Variants in ZNF583 observed in about 807,000 individuals in gnomAD.
The protein encoded by ZNF583 is zinc finger protein L3-5.
In ZNF583, 30 loss-of-function variants were observed where a neutral mutation model predicts 55.3. The observed-to-expected ratio is 0.54, with a 90% CI of 0.41 to 0.74. The LOEUF (loss-of-function observed/expected upper bound fraction) is 0.74, where lower values mean the gene tolerates loss of function less well. Among genes scored for constraint, ZNF583 ranks in the 30% least tolerant of loss-of-function variants. The pLI is 0.00. For missense variants in ZNF583, 504 were observed against 664.7 expected (o/e 0.76, Z 2.66); for synonymous variants, 208 against 220.0 (o/e 0.95, Z 0.48).
intron 2 of ZNF583, among the ~76,000 whole-genome samples, chr19:56,409,883 G>A (rs2042211149): frequency 6.6e-6 from 1 of 151,520 alleles, no homozygotes; most frequent in South Asian, 2.1e-4. Context: ...TTTTGGTTAA[G>A]TCAGGTATTT....
chr19:56,414,247 C>A, intron 3 of ZNF583, 98 bp from the exon 4 acceptor site: 1 of 1,499,702 alleles, frequency 6.7e-7, no homozygotes, highest in Non-Finnish European at 9.3e-7. Flanking sequence ...ATTCTTATTC[C>A]TCAGCTCCCT....
At chr19:56,416,852 A>G (rs983202728) in intron 4 of ZNF583, among the ~76,000 whole-genome samples, 1 of 152,084 alleles carries the variant, frequency 6.6e-6, no homozygotes, top group Admixed American at 6.6e-5. Context: ...ATCAAGACAC[A>G]TTTAGTATTT....
intron 2 of ZNF583, among the ~76,000 whole-genome samples, chr19:56,413,143 A>G (rs1182097328): frequency 6.6e-6 from 1 of 152,236 alleles, no homozygotes; most frequent in Non-Finnish European, 1.5e-5. Context: ...ACAAATGTTT[A>G]AAATTCAACA....
chr19:56,420,849 C>T (rs2042403129), intron 4 of ZNF583, among the ~76,000 whole-genome samples: 2 of 151,978 alleles, frequency 1.3e-5, no homozygotes. Context: ...ATAAGTTCTG[C>T]CTTTTAACTG....
chr19:56,420,118 T>A lies in ZNF583; in HGVS notation c.233-2773T>A, dbSNP rs542069536. ...TACCATTTTAGCTGTATCCCACAGA[T>A]TTTGATATGTTGTACTGTCATTATC... is the stretch of plus-strand genomic sequence containing the variant. On this transcript the variant is annotated intron_variant, in intron 4 of 4. Transcript: ENST00000333201. Among the ~76,000 whole-genome samples, 3 of 152,198 alleles carry A rather than the reference T, an allele frequency of 2.0e-5. No individual in the cohort carries two copies. The South Asian group carries it at 6.2e-4, about 32-fold the overall frequency.
chr19:56,410,466 G>A (rs1171689027), intron 2 of ZNF583, among the ~76,000 whole-genome samples: 3 of 151,996 alleles, frequency 2.0e-5, no homozygotes, highest in South Asian at 2.1e-4. Flanking sequence ...TTGGGGGGCC[G>A]AGGTGGGTGG....
rs1160690385 is a variant in ZNF583, at chr19:56,423,081, A to G, written c.423A>G (p.Gln141=). Residue 141 remains glutamine, a synonymous_variant, in exon 5 of 5, where the codon CAA becomes CAG. Transcript: ENST00000333201. ...GAAGTCAAGAGGTACATCTTAGTCAATTAATCATCACTCATAAAGAAATCC... is the reference window on the plus strand; with the variant it reads ...GAAGTCAAGAGGTACATCTTAGTCAGTTAATCATCACTCATAAAGAAATCC... ...QLGSQEVHLS[Q]LIITHKEILP... 1.2e-6 allele frequency: 2 copies of G among 1,612,952 alleles called. No homozygotes were observed. The highest frequency in any genetic ancestry group is 2.2e-5 in the East Asian group (1 of 44,868).
At chr19:56,415,303 G>A (rs951479760) in intron 4 of ZNF583, among the ~76,000 whole-genome samples, 1 of 152,028 alleles carries the variant, frequency 6.6e-6, no homozygotes, top group Admixed American at 6.6e-5. Context: ...TTGATAGGAG[G>A]AAAGATGAAA....
rs2042468135 is a variant in ZNF583, at chr19:56,424,230, T to C, written c.1572T>C (p.Asp524=). 6.2e-7 allele frequency: 1 copy of C among 1,613,882 alleles called. No individual in the cohort carries two copies. The highest frequency in any genetic ancestry group is 1.3e-5 in the African/African-American group (1 of 74,918). Residue 524 remains aspartate (D), a synonymous_variant, in exon 5 of 5, where the codon GAT becomes GAC. Transcript: ENST00000333201. ...GAGAAAGACCCTATGAATGTAAAGA[T>C]TGCAGGAAATCTTTCAGGCAGCGTG... ...HTGERPYECK[D]CRKSFRQRAH... is the part of the protein sequence containing the mutation.
At chr19:56,417,443 CAT>C (rs1323455935) in intron 4 of ZNF583, among the ~76,000 whole-genome samples, 1 of 152,104 alleles carries the variant, frequency 6.6e-6, no homozygotes, top group Non-Finnish European at 1.5e-5. Context: ...AGCCTCTTTT[CAT>C]ATGTTTACTG....
intron 2 of ZNF583, among the ~76,000 whole-genome samples, chr19:56,408,834 A>T (rs1033531397): frequency 6.6e-6 from 1 of 152,192 alleles, no homozygotes; most frequent in Non-Finnish European, 1.5e-5. Flanking sequence ...ACCATGGCCT[A>T]TAAGGCCCTT....
intron 1 of ZNF583, among the ~76,000 whole-genome samples, chr19:56,405,337 C>T (rs924603181): frequency 6.6e-6 from 1 of 152,134 alleles, no homozygotes; most frequent in African/African-American, 2.4e-5. Context: ...CCTTATATGA[C>T]CCATTGTGAG....
intron 4 of ZNF583, among the ~76,000 whole-genome samples, chr19:56,417,773 C>T (rs2042351006): frequency 6.6e-6 from 1 of 152,092 alleles, no homozygotes; most frequent in Admixed American, 6.5e-5. Flanking sequence ...AAGGTTTTAG[C>T]ATTTATATTT....
intron 2 of ZNF583, among the ~76,000 whole-genome samples, chr19:56,407,360 T>G (rs2042171084): frequency 6.6e-6 from 1 of 152,214 alleles, no homozygotes; most frequent in African/African-American, 2.4e-5. Context: ...GGGTTTAGTG[T>G]CTGTTAGAAG....
At chr19:56,407,917 A>G (rs550719705) in intron 2 of ZNF583, among the ~76,000 whole-genome samples, 1 of 152,346 alleles carries the variant, frequency 6.6e-6, no homozygotes, top group East Asian at 1.9e-4. Flanking sequence ...AAACAAATCC[A>G]AGTATAAGAA....
chr19:56,417,597 A>G (rs1054913422), intron 4 of ZNF583, among the ~76,000 whole-genome samples: 1 of 152,202 alleles, frequency 6.6e-6, no homozygotes. Flanking sequence ...GCTTATATGT[A>G]TGCCAATTAT....
At chr19:56,417,181 A>G (rs1333783956) in intron 4 of ZNF583, among the ~76,000 whole-genome samples, 4 of 152,186 alleles carry the variant, frequency 2.6e-5, no homozygotes, top group Admixed American at 6.5e-5. Context: ...TTGTGTGAAC[A>G]TATATTTTTA....
intron 1 of ZNF583, among the ~76,000 whole-genome samples, chr19:56,406,809 G>A (rs969152102): frequency 6.6e-6 from 1 of 151,996 alleles, no homozygotes; most frequent in South Asian, 2.1e-4. Flanking sequence ...TTACAGGCGT[G>A]AGCCACCGCG....
intron 2 of ZNF583, among the ~76,000 whole-genome samples, chr19:56,413,212 A>G (rs979340068): frequency 1.3e-5 from 2 of 152,230 alleles, no homozygotes. Context: ...AAAATACGTG[A>G]GATACCTTAG....
Sources: gnomAD v4.1 joint callset for allele counts (sites outside exome capture counted in the v4.1 genomes callset) on GRCh38, gnomAD v4.1.1 for gene constraint, MANE v1.5 for transcripts, NCBI Gene and HGNC (gene_info 2026-07-23, HGNC 2026-07-21) for gene names.